The following TSPEAR variants were observed in gnomAD, a reference collection of about 807,000 sequenced individuals.
The protein encoded by TSPEAR is thrombospondin-type laminin G domain and EAR repeat-containing protein.
Under a neutral mutation model 71.6 loss-of-function variants are expected in TSPEAR, and 69 were observed. That is an observed-to-expected ratio of 0.96 (90% CI 0.79 to 1.18). TSPEAR has a LOEUF of 1.18. Among genes scored for constraint, TSPEAR ranks in the 50% most tolerant of loss-of-function variants. TSPEAR has a pLI of 0.00. For synonymous variants in TSPEAR, 402 were observed against 387.2 expected, an observed-to-expected ratio of 1.04 and a Z score of -0.45; for missense variants, 971 against 894.9, an observed-to-expected ratio of 1.09 and a Z score of -1.09.
chr21:44,550,778 G>A (rs587745004), intron 2 of TSPEAR: 3 of 1,614,210 alleles, frequency 1.9e-6, no homozygotes, highest in East Asian at 2.2e-5. Flanking sequence ...CAGAGGAGGA[G>A]GGTCTGCAGC....
At chr21:44,604,501 A>G (rs889561316) in intron 1 of TSPEAR, among the ~76,000 whole-genome samples, 3 of 152,178 alleles carry the variant, frequency 2.0e-5, no homozygotes, top group Admixed American at 6.5e-5. Context: ...CAAAGATAAG[A>G]TAATGAGATC....
Position 44,681,848 on chromosome 21 carries a change from G to C in TSPEAR, c.82+29585C>G, listed in dbSNP as rs200737980. 1.9e-6 allele frequency: 3 copies of C among 1,611,594 alleles called. No homozygotes were observed. The East Asian group carries it at 6.7e-5, about 36-fold the overall frequency. ...AGATTCATGCTCAGCAGCAGGAAGG[G>C]GTGCTGCAGGAGATGGGTCTGCAGA... On this transcript the variant is annotated intron_variant, in intron 1 of 11. Coordinates refer to ENST00000323084, the MANE Select transcript of TSPEAR (RefSeq NM_144991.3).
At chr21:44,557,478 G>A (rs1265240746) in intron 2 of TSPEAR, among the ~76,000 whole-genome samples, 1 of 152,184 alleles carries the variant, frequency 6.6e-6, no homozygotes, top group African/African-American at 2.4e-5. Context: ...AGAGAGGGCT[G>A]GTGAGAAGAT....
At chr21:44,580,855 C>G (rs587602382) in intron 1 of TSPEAR, among the ~76,000 whole-genome samples, 6 of 152,144 alleles carry the variant, frequency 3.9e-5, no homozygotes, top group African/African-American at 1.4e-4. Flanking sequence ...GTTTCTTCAT[C>G]GGTTCTTATT....
chr21:44,517,544 G>C (rs2145948769), intron 9 of TSPEAR: 2 of 344,354 alleles, frequency 5.8e-6, no homozygotes, highest in South Asian at 2.2e-5. Flanking sequence ...GTCCAGCTAG[G>C]CTGGGACATG....
chr21:44,505,809 TGACA>T (rs2052185113), intron 10 of TSPEAR, among the ~76,000 whole-genome samples: 2 of 152,088 alleles, frequency 1.3e-5, no homozygotes, highest in Admixed American at 6.6e-5. Flanking sequence ...GTCCATCCGC[TGACA>T]GACACTTGGG....
At chr21:44,595,615 G>A (rs141855242) in intron 1 of TSPEAR, among the ~76,000 whole-genome samples, 115 of 152,260 alleles carry the variant, frequency 7.6e-4, no homozygotes, top group African/African-American at 2.5e-3. Context: ...ACTGCACTGG[G>A]GCACTTTAAA....
rs2051986920 is a variant in TSPEAR at position 44,499,607 on chromosome 21, G to T, written c.*176C>A. On this transcript the variant is annotated 3_prime_UTR_variant, in exon 12 of 12. Coordinates refer to ENST00000323084, the MANE Select transcript of TSPEAR (RefSeq NM_144991.3). ...GGCTGTGGCTCAGAAGGACTCAGAG[G>T]TGGATGGATGTCCCTGCCCGAACCA... The T allele has an allele frequency of 3.3e-6, 2 of 607,680 alleles. No homozygotes were observed. The highest frequency in any genetic ancestry group is 3.9e-5 in the African/African-American group (2 of 51,084). 37.6% of individuals were successfully genotyped at this position (607,680 alleles called of 1,614,324 possible).
At chr21:44,594,563 G>A (rs964452031) in intron 1 of TSPEAR, among the ~76,000 whole-genome samples, 8 of 152,166 alleles carry the variant, frequency 5.3e-5, no homozygotes, top group South Asian at 2.1e-4. Flanking sequence ...TCTCACAACC[G>A]CAGAGTGAAA....
chr21:44,628,531 C>T (rs1346973168), intron 1 of TSPEAR, among the ~76,000 whole-genome samples: 4 of 152,046 alleles, frequency 2.6e-5, no homozygotes, highest in South Asian at 4.1e-4. Flanking sequence ...CTCCTGTCCA[C>T]CTCGTGGCAC....
At chr21:44,501,989 C>G (rs1198182223) in intron 11 of TSPEAR, among the ~76,000 whole-genome samples, 1 of 152,210 alleles carries the variant, frequency 6.6e-6, no homozygotes, top group African/African-American at 2.4e-5. Flanking sequence ...ACCGAGCAAT[C>G]TAATTTCCTA....
intron 1 of TSPEAR, among the ~76,000 whole-genome samples, chr21:44,602,376 C>G (rs1453757791): frequency 6.6e-6 from 1 of 152,184 alleles, no homozygotes; most frequent in Non-Finnish European, 1.5e-5. Context: ...CCAACAGCAG[C>G]GCCTGCCCTG....
chr21:44,595,965 A>G (rs1980340117), intron 1 of TSPEAR, among the ~76,000 whole-genome samples: 1 of 152,188 alleles, frequency 6.6e-6, no homozygotes, highest in Non-Finnish European at 1.5e-5. Context: ...AAGTACCACA[A>G]GCTTAGTGGC....
At chr21:44,685,731 AC>A (rs1555948846) in intron 1 of TSPEAR, among the ~76,000 whole-genome samples, 1 of 152,086 alleles carries the variant, frequency 6.6e-6, no homozygotes, top group Non-Finnish European at 1.5e-5. Context: ...TGAACCCTCT[AC>A]CCCCGGTATA....
chr21:44,578,197 A>C (rs1978591232), intron 1 of TSPEAR, among the ~76,000 whole-genome samples: 2 of 152,252 alleles, frequency 1.3e-5, no homozygotes, highest in African/African-American at 4.8e-5. Context: ...TCAGGAATGA[A>C]TAAAAGGTTG....
chr21:44,704,988 T>G (rs1192552187), intron 1 of TSPEAR, among the ~76,000 whole-genome samples: 1 of 152,040 alleles, frequency 6.6e-6, no homozygotes, highest in African/African-American at 2.4e-5. Flanking sequence ...TGGTGACTCT[T>G]CCCTGGGGCC....
intron 1 of TSPEAR, chr21:44,591,699 G>A (rs376313490): frequency 6.3e-7 from 1 of 1,576,906 alleles, no homozygotes. Context: ...AGGGGGAGGA[G>A]GTGCAGCAAG....
intron 1 of TSPEAR, among the ~76,000 whole-genome samples, chr21:44,594,148 C>T (rs1003338088): frequency 5.3e-5 from 8 of 152,212 alleles, no homozygotes; most frequent in Non-Finnish European, 8.8e-5. Flanking sequence ...AGGCAGCTCC[C>T]TTGCAGATGT....
At chr21:44,540,762 G>T (rs1444425417) in intron 2 of TSPEAR, among the ~76,000 whole-genome samples, 1 of 152,188 alleles carries the variant, frequency 6.6e-6, no homozygotes. Flanking sequence ...CAGGGAGAAG[G>T]GGAGCAAGGA....
Sources: gnomAD v4.1 joint callset for allele counts (sites outside exome capture counted in the v4.1 genomes callset) on GRCh38, gnomAD v4.1.1 for gene constraint, MANE v1.5 for transcripts, NCBI Gene and HGNC (gene_info 2026-07-23, HGNC 2026-07-21) for gene names.